Variants in PALM2AKAP2 observed in about 807,000 individuals in gnomAD.
PALM2AKAP2 encodes PALM2 and AKAP2 fusion.
In PALM2AKAP2, 37 loss-of-function variants were observed where a neutral mutation model predicts 71.5. The observed-to-expected ratio is 0.52, with a 90% CI of 0.40 to 0.68. PALM2AKAP2 has a LOEUF of 0.68. PALM2AKAP2 is among the 30% of genes least tolerant of loss of function. The probability of loss-of-function intolerance (pLI) is 0.00; values close to 1 mark genes in which losing one functional copy is unlikely to be tolerated. For synonymous variants in PALM2AKAP2, 468 were observed against 478.8 expected (o/e 0.98, Z 0.29); for missense variants, 1,224 against 1,191.8 (o/e 1.03, Z -0.40).
intron 6 of PALM2AKAP2, among the ~76,000 whole-genome samples, chr9:109,937,515 T>C (rs1045935531): frequency 9.9e-5 from 15 of 152,114 alleles, no homozygotes; most frequent in African/African-American, 3.6e-4. Context: ...AAAGAGCATA[T>C]TAAAATAAAA....
chr9:110,073,428 G>A (rs531754673), intron 1 of PALM2AKAP2, among the ~76,000 whole-genome samples: 1 of 152,208 alleles, frequency 6.6e-6, no homozygotes, highest in South Asian at 2.1e-4. Flanking sequence ...TGTTTTACAT[G>A]GACACTTGAC....
At chr9:109,962,605 G>A (rs1831871173) in intron 6 of PALM2AKAP2, among the ~76,000 whole-genome samples, 1 of 151,550 alleles carries the variant, frequency 6.6e-6, no homozygotes, top group Non-Finnish European at 1.5e-5. Context: ...TCCACTAGCA[G>A]TTACTGAGCA....
At chr9:110,132,936 C>A (rs1215065544) in intron 1 of PALM2AKAP2, among the ~76,000 whole-genome samples, 1 of 152,182 alleles carries the variant, frequency 6.6e-6, no homozygotes, top group Non-Finnish European at 1.5e-5. Context: ...ATTTTAAAAT[C>A]TCAGTTTGAC....
intron 7 of PALM2AKAP2, among the ~76,000 whole-genome samples, chr9:110,033,561 A>C (rs1833324528): frequency 6.6e-6 from 1 of 152,216 alleles, no homozygotes; most frequent in South Asian, 2.1e-4. Context: ...AGAAATCAAC[A>C]CTTTGAGAAG....
At chr9:109,879,571 T>C (rs915295955) in intron 2 of PALM2AKAP2, among the ~76,000 whole-genome samples, 19 of 152,184 alleles carry the variant, frequency 1.2e-4, no homozygotes, top group African/African-American at 4.3e-4. Context: ...TCAACATGCT[T>C]TTTTCTGGAA....
At chr9:109,943,336 T>A in intron 6 of PALM2AKAP2, 1 of 1,614,086 alleles carries the variant, frequency 6.2e-7, no homozygotes, top group South Asian at 1.1e-5. Context: ...AGAGCCCTCA[T>A]CCCCAGAAGG....
intron 1 of PALM2AKAP2, among the ~76,000 whole-genome samples, chr9:109,862,618 T>C (rs1829343313): frequency 6.6e-6 from 1 of 152,182 alleles, no homozygotes. Flanking sequence ...GGTAGCATGA[T>C]TGGCCTAACC....
In PALM2AKAP2 at chr9:110,109,802, G is replaced by A. The variant is rs912380828; in HGVS notation, c.157-26325G>A. Among the ~76,000 whole-genome samples, 7 of 152,162 alleles carry A rather than the reference G, an allele frequency of 4.6e-5. No homozygotes were observed. The East Asian group carries it at 1.2e-3, about 25-fold the overall frequency. ...AAGGGTGCCAGGCCCCTTAATTCCA[G>A]GTTTAGGAGTTTCTTTTAAAAAAAA... On this transcript the variant is annotated intron_variant, in intron 1 of 3. Coordinates refer to ENST00000374525, the Ensembl canonical transcript of PALM2AKAP2.
chr9:110,137,603 G>T, exon 2 of PALM2AKAP2: 1 of 1,614,166 alleles, frequency 6.2e-7, no homozygotes, highest in Non-Finnish European at 8.5e-7. Context: ...TGGGATTTTG[G>T]ATCAGTTCTC....
At chr9:109,708,982 G>C (rs1470863222) in intron 1 of PALM2AKAP2, among the ~76,000 whole-genome samples, 1 of 152,204 alleles carries the variant, frequency 6.6e-6, no homozygotes, top group Non-Finnish European at 1.5e-5. Flanking sequence ...GACCTGGAAT[G>C]CAAGGGCAAT....
chr9:110,123,049 T>C (rs1368912520), intron 1 of PALM2AKAP2, among the ~76,000 whole-genome samples: 1 of 152,210 alleles, frequency 6.6e-6, no homozygotes, highest in Non-Finnish European at 1.5e-5. Flanking sequence ...AACTGTGACT[T>C]TGCCATAGAG....
rs1341463145 is a variant in PALM2AKAP2 at position 110,084,347 on chromosome 9, G to T, written c.156+35492G>T. ...ATTGGGAAGAGTACCCTCATATGGT[G>T]AGGGCATAGATAGGAAAAACCATTA... On this transcript the variant is annotated intron_variant, in intron 1 of 3. Coordinates refer to ENST00000374525, the Ensembl canonical transcript of PALM2AKAP2. Among the ~76,000 whole-genome samples the T allele has an allele frequency of 3.9e-5, 6 of 152,184 alleles. No individual in the cohort carries two copies. The East Asian group carries it at 1.2e-3, about 29-fold the overall frequency.
Position 109,970,713 on chromosome 9 carries a change from G to C in PALM2AKAP2, c.496+38685G>C, listed in dbSNP as rs533840609. On this transcript the variant is annotated intron_variant, in intron 6 of 9. Coordinates refer to the PALM2AKAP2 transcript ENST00000302798. Reference sequence around the variant, plus strand: ...TCAGTTTACTCATCTGTCCAATTAGGATAGTAGTACTATCTCATAGGGTTT... The same window carrying C: ...TCAGTTTACTCATCTGTCCAATTAGCATAGTAGTACTATCTCATAGGGTTT... Among the ~76,000 whole-genome samples, 23 of 152,282 alleles carry C rather than the reference G, an allele frequency of 1.5e-4. No homozygotes were observed. In the South Asian group the frequency reaches 3.7e-3, roughly 25 times the overall value.
intron 3 of PALM2AKAP2, among the ~76,000 whole-genome samples, chr9:109,888,946 C>T (rs1393805905): frequency 6.6e-6 from 1 of 152,142 alleles, no homozygotes; most frequent in East Asian, 1.9e-4. Context: ...TGTCTCCAGA[C>T]ATTGCTGAAT....
chr9:110,162,267 C>T, intron 3 of PALM2AKAP2, 135 bp downstream of exon 10: 1 of 1,376,482 alleles, frequency 7.3e-7, no homozygotes, highest in Non-Finnish European at 1.0e-6. Context: ...TTTTTTTGTG[C>T]CTGTTCTGAA....
intron 1 of PALM2AKAP2, among the ~76,000 whole-genome samples, chr9:109,663,167 G>T (rs541799583): frequency 2.6e-5 from 4 of 152,230 alleles, no homozygotes; most frequent in African/African-American, 7.2e-5. Context: ...TTTTTGAAAG[G>T]TTTTTTGTGT....
At position 109,922,011 on chromosome 9, in the gene PALM2AKAP2, C is replaced by T. The variant is rs1043691653; in HGVS notation, c.258-1724C>T. ...AGGCCATCTGAGGGGCACAGTATGT[C>T]GCTAAATAAATTCATGCCTGGATCT... On this transcript the variant is annotated intron_variant, in intron 3 of 9. Transcript: ENST00000302798. Among the ~76,000 whole-genome samples, 6 of 152,106 alleles carry T rather than the reference C, an allele frequency of 3.9e-5. No homozygotes were observed. In the East Asian group the frequency reaches 7.7e-4, roughly 20 times the overall value.
At chr9:109,908,088 G>A (rs545395220) in intron 3 of PALM2AKAP2, among the ~76,000 whole-genome samples, 51 of 152,318 alleles carry the variant, frequency 3.3e-4, no homozygotes, top group African/African-American at 1.1e-3. Context: ...TATTGATTGA[G>A]CACAGGCTGT....
chr9:110,115,497 A>G (rs1459849838), intron 1 of PALM2AKAP2, among the ~76,000 whole-genome samples: 2 of 152,132 alleles, frequency 1.3e-5, no homozygotes, highest in African/African-American at 4.8e-5. Flanking sequence ...TCATCAGGCC[A>G]GTGTCCCCAG....
Sources: gnomAD v4.1 joint callset for allele counts (sites outside exome capture counted in the v4.1 genomes callset) on GRCh38, gnomAD v4.1.1 for gene constraint, MANE v1.5 for transcripts, NCBI Gene and HGNC (gene_info 2026-07-23, HGNC 2026-07-21) for gene names.